TTC23: variants seen among roughly 807,000 people sequenced by gnomAD.
TTC23 encodes the protein tetratricopeptide repeat protein 23.
In TTC23, 58 loss-of-function variants were observed where a neutral mutation model predicts 55.1. That is an observed-to-expected ratio of 1.05 (90% CI 0.85 to 1.31). The LOEUF (loss-of-function observed/expected upper bound fraction) is 1.31, where lower values mean the gene tolerates loss of function less well. Among genes scored for constraint, TTC23 ranks in the 50% most tolerant of loss-of-function variants. TTC23 has a pLI of 0.00. For missense variants in TTC23, 516 were observed against 534.4 expected (o/e 0.97, Z 0.34); for synonymous variants, 203 against 199.9 (o/e 1.02, Z -0.13).
chr15:99,187,410 G>T (rs1567429094), intron 9 of TTC23, among the ~76,000 whole-genome samples: 1 of 126,976 alleles, frequency 7.9e-6, no homozygotes, highest in Non-Finnish European at 1.6e-5. Flanking sequence ...CATGACCTTG[G>T]ATTAGGGAAT....
intron 9 of TTC23, among the ~76,000 whole-genome samples, chr15:99,199,174 C>T (rs2623181): frequency 0.7 from 105,613 of 151,856 alleles, 37,760 homozygotes; most frequent in African/African-American, 0.86. Flanking sequence ...AAAACTGAGG[C>T]TTCTAGAAGA....
rs753865408 is a variant in TTC23 at position 99,221,785 on chromosome 15, G to C, written c.260C>G (p.Ala87Gly). Residue 87 changes from alanine to glycine, a missense_variant, in exon 6 of 14, where the codon GCA (alanine) becomes GGA (glycine). By Grantham distance (60) the Ala-to-Gly change is moderately conservative. Coordinates refer to ENST00000394132, the MANE Select transcript of TTC23 (RefSeq NM_001288615.3). ...ICYGDSHWKL[A>G]EAHVNLAQGY... ...TTGAGCCAGATTAACATGTGCCTCT[G>C]CTAGTTTCCAATGTGAGTCTCCATA... 2 of 1,614,036 alleles carry C rather than the reference G, an allele frequency of 1.2e-6. No homozygotes were observed. Among genetic ancestry groups the C allele is most frequent in the East Asian group, 4.5e-5 (2 of 44,886 alleles).
intron 8 of TTC23, among the ~76,000 whole-genome samples, chr15:99,211,420 T>A (rs1048734302): frequency 2.0e-5 from 3 of 151,800 alleles, no homozygotes; most frequent in Non-Finnish European, 4.4e-5. Context: ...TATACAATTG[T>A]CTGATTTTAG....
upstream of TTC23, among the ~76,000 whole-genome samples, chr15:99,250,726 T>C (rs2080662913): frequency 6.6e-6 from 1 of 152,216 alleles, no homozygotes; most frequent in Non-Finnish European, 1.5e-5. Context: ...GGAAGTGTCA[T>C]TGTATTTAAC....
At chr15:99,151,877 C>T (rs1273164950) in intron 12 of TTC23, among the ~76,000 whole-genome samples, 3 of 152,186 alleles carry the variant, frequency 2.0e-5, no homozygotes, top group African/African-American at 4.8e-5. Context: ...CAAAATATCT[C>T]CACTCCAACA....
At chr15:99,169,714 G>A (rs138007851) in intron 10 of TTC23, among the ~76,000 whole-genome samples, 2 of 152,322 alleles carry the variant, frequency 1.3e-5, no homozygotes, top group Non-Finnish European at 1.5e-5. Context: ...ACTAGCTTCC[G>A]ATACTGACAT....
chr15:99,249,122 T>C (rs2080512463), intron 1 of TTC23, 49 bp downstream of exon 1: 2 of 152,338 alleles, frequency 1.3e-5, no homozygotes, highest in Non-Finnish European at 2.9e-5. Flanking sequence ...CACAGTTTCT[T>C]AAAGTAGAAA....
At chr15:99,225,360 G>C (rs2078307602) in intron 5 of TTC23, among the ~76,000 whole-genome samples, 1 of 152,188 alleles carries the variant, frequency 6.6e-6, no homozygotes, top group South Asian at 2.1e-4. Flanking sequence ...TCAAAACTGG[G>C]AGGAACCTTG....
intron 9 of TTC23, among the ~76,000 whole-genome samples, chr15:99,190,442 T>G (rs2075150189): frequency 2.0e-5 from 3 of 152,018 alleles, no homozygotes; most frequent in African/African-American, 7.2e-5. Flanking sequence ...CTAGCTAATT[T>G]CCTTGTTCTT....
intron 12 of TTC23, among the ~76,000 whole-genome samples, chr15:99,149,862 C>CA (rs2069468822): frequency 6.6e-6 from 1 of 152,234 alleles, no homozygotes; most frequent in Non-Finnish European, 1.5e-5. Flanking sequence ...CCAGCAGTGA[C>CA]AGTGTGAAGG....
At chr15:99,215,131 C>T (rs986379655) in intron 8 of TTC23, among the ~76,000 whole-genome samples, 1 of 151,144 alleles carries the variant, frequency 6.6e-6, no homozygotes, top group Non-Finnish European at 1.5e-5. Context: ...GCTGGGATTA[C>T]AGGCATGAGC....
chr15:99,240,325 T>C (rs1360932654), intron 3 of TTC23, among the ~76,000 whole-genome samples: 1 of 152,230 alleles, frequency 6.6e-6, no homozygotes, highest in Non-Finnish European at 1.5e-5. Flanking sequence ...TGCCTCTTAA[T>C]ATTGCATCCT....
At chr15:99,173,776 T>C (rs1195784824) in intron 10 of TTC23, among the ~76,000 whole-genome samples, 1 of 152,180 alleles carries the variant, frequency 6.6e-6, no homozygotes, top group Non-Finnish European at 1.5e-5. Flanking sequence ...GTCTCTCTCA[T>C]ACTACAGCCA....
chr15:99,236,986 T>A lies in TTC23; in HGVS notation c.-113-1906A>T, dbSNP rs115983705. ...GAGTCATCATTTCACTCCTAAGTTT[T>A]TTTTTTTTTTTTGAGACAGAGTTTC... is the stretch of plus-strand genomic sequence containing the variant. On this transcript the variant is annotated intron_variant, in intron 3 of 13. Transcript: ENST00000394132. Among the ~76,000 whole-genome samples the A allele has an allele frequency of 6.4e-4, 97 of 151,852 alleles. 1 individual carries two copies. Among genetic ancestry groups the A allele is most frequent in the African/African-American group, 2.2e-3 (92 of 41,472 alleles).
At chr15:99,162,799 G>T (rs927969294) in intron 10 of TTC23, among the ~76,000 whole-genome samples, 18 of 152,172 alleles carry the variant, frequency 1.2e-4, no homozygotes, top group Admixed American at 9.8e-4. Flanking sequence ...CGAGATTATG[G>T]CCGGGGGTGG....
intron 5 of TTC23, among the ~76,000 whole-genome samples, chr15:99,223,952 G>A (rs1293876972): frequency 6.6e-6 from 1 of 152,186 alleles, no homozygotes; most frequent in Non-Finnish European, 1.5e-5. Context: ...GTAAGAACAA[G>A]GACAGAGTTG....
intron 12 of TTC23, among the ~76,000 whole-genome samples, chr15:99,141,870 G>C (rs1555490543): frequency 1.3e-5 from 2 of 152,146 alleles, no homozygotes; most frequent in South Asian, 2.1e-4. Flanking sequence ...TTAGTCATTT[G>C]ACTAAGAAAT....
chr15:99,210,868 T>C lies in TTC23; in HGVS notation c.581+7720A>G, dbSNP rs374589864. On this transcript the variant is annotated intron_variant, in intron 8 of 13. Coordinates refer to ENST00000394132, the MANE Select transcript of TTC23 (RefSeq NM_001288615.3). ...ACTAAGTAGAACCCCATCATCTCAA[T>C]GAGGTGATGGCAGGTAGATACATAT... is the stretch of plus-strand genomic sequence containing the variant. Among the ~76,000 whole-genome samples, 42 of 152,298 alleles carry C rather than the reference T, an allele frequency of 2.8e-4. 1 individual carries two copies. The East Asian group carries it at 5.8e-3, about 21-fold the overall frequency.
At chr15:99,250,997 ATC>A (rs1200810773), upstream of TTC23, among the ~76,000 whole-genome samples, 1 of 152,176 alleles carries the variant, frequency 6.6e-6, no homozygotes, top group Non-Finnish European at 1.5e-5. Flanking sequence ...CAACGAGATA[ATC>A]TATAAACAGC....
Sources: allele counts gnomAD v4.1 joint callset (sites outside exome capture counted in the v4.1 genomes callset), GRCh38; gene constraint gnomAD v4.1.1; transcripts MANE v1.5; gene names NCBI Gene and HGNC (gene_info 2026-07-23, HGNC 2026-07-21).